PPIG: variants seen among roughly 807,000 people sequenced by gnomAD.
PPIG encodes peptidylprolyl isomerase G.
PPIG carries 26 observed loss-of-function variants against 87.9 expected under a neutral mutation model. The ratio of observed to expected loss-of-function variants is 0.30; its 90% CI spans 0.22 to 0.41. The LOEUF is 0.41. PPIG is among the 10% of genes least tolerant of loss of function. The pLI, the probability that PPIG is intolerant of heterozygous loss-of-function variation, is 1.00. For synonymous variants in PPIG, 308 were observed against 276.5 expected (o/e 1.11, Z -1.13); for missense variants, 722 against 879.4 (o/e 0.82, Z 2.26).
chr2:169,613,562 C>T (rs1044317120), intron 7 of PPIG, among the ~76,000 whole-genome samples: 3 of 152,052 alleles, frequency 2.0e-5, no homozygotes, highest in East Asian at 1.9e-4. Context: ...AAAATAATTT[C>T]GTTTGCCAAA....
rs186702053 is a variant in PPIG at position 169,613,911 on chromosome 2, A to G, written c.378-553A>G. 5.9e-5 allele frequency among the ~76,000 whole-genome samples: 9 copies of G among 152,348 alleles called. No individual in the cohort carries two copies. In the East Asian group the frequency reaches 1.7e-3, roughly 29 times the overall value. ...AGTGCACTGCAGCCTGGACAACAGC[A>G]TGAGACCCTGTCTCCAAATCAAAAA... On this transcript the variant is annotated intron_variant, in intron 7 of 13. Transcript: ENST00000260970.
intron 9 of PPIG, among the ~76,000 whole-genome samples, chr2:169,624,368 C>G (rs12621572): frequency 6.6e-6 from 1 of 152,182 alleles, no homozygotes; most frequent in East Asian, 1.9e-4. Flanking sequence ...GGAAATCATT[C>G]TACTTAATAA....
At chr2:169,599,465 T>A (rs967229245) in intron 1 of PPIG, among the ~76,000 whole-genome samples, 14 of 151,514 alleles carry the variant, frequency 9.2e-5, no homozygotes, top group Non-Finnish European at 1.3e-4. Flanking sequence ...TACTGTTATT[T>A]AAAAAAAAAC....
chr2:169,634,872 G>A (rs1309951366), intron 12 of PPIG, among the ~76,000 whole-genome samples: 1 of 151,996 alleles, frequency 6.6e-6, no homozygotes, highest in African/African-American at 2.4e-5. Context: ...CCTCTTTCAT[G>A]TTAAAAATTA....
In PPIG at chr2:169,631,933, G is replaced by T. The variant is rs1353163728; in HGVS notation, c.929G>T (p.Cys310Phe). The change falls in exon 11 of 14, where the codon TGT (cysteine) becomes TTT (phenylalanine). Residue 310 changes from cysteine to phenylalanine, a missense_variant and splice_region_variant. Coordinates refer to ENST00000260970, the MANE Select transcript of PPIG (RefSeq NM_004792.3). The part of the protein sequence containing the change: ...KNRERERERE[C>F]NPPNSQPASY... The stretch of plus-strand genomic sequence containing the variant: ...AGAGAGAGAGAAAGGGAAAGAGAGT[G>T]GTATGTGAATATGTATATTTTGCCT... 6.3e-7 allele frequency: 1 copy of T among 1,591,288 alleles called. No homozygotes were observed. Among genetic ancestry groups the T allele is most frequent in the Non-Finnish European group, 8.6e-7 (1 of 1,163,862 alleles).
chr2:169,585,113 A>AG (rs1684661723), intron 1 of PPIG, among the ~76,000 whole-genome samples: 1 of 152,112 alleles, frequency 6.6e-6, no homozygotes, highest in African/African-American at 2.4e-5. Context: ...ACTCAAGTCC[A>AG]GGGTCTTGAG....
At position 169,584,377 on chromosome 2, in the gene PPIG, T is replaced by C. The variant is rs1425309061; in HGVS notation, c.-183T>C. The C allele has an allele frequency of 2.1e-6, 1 of 470,980 alleles. No homozygotes were observed. Among genetic ancestry groups the C allele is most frequent in the Non-Finnish European group, 4.4e-6 (1 of 227,050 alleles). The allele number at this position is 470,980 out of a possible 1,614,324, so 29.2% of individuals were successfully genotyped here. A position where few individuals can be genotyped will look rare whatever the true frequency, so the allele number is the denominator to read the frequency against. Reference sequence around the variant, plus strand: ...CGACGCTGTCTCTCCATGCCAGGACTGAGTTGTGGGGGAGGGAGGCGGTTA... The same window carrying C: ...CGACGCTGTCTCTCCATGCCAGGACCGAGTTGTGGGGGAGGGAGGCGGTTA... On this transcript the variant is annotated 5_prime_UTR_variant, in exon 1 of 14. Transcript: ENST00000260970.
At chr2:169,622,142 G>A (rs984335935) in intron 9 of PPIG, among the ~76,000 whole-genome samples, 1 of 151,962 alleles carries the variant, frequency 6.6e-6, no homozygotes, top group Non-Finnish European at 1.5e-5. Flanking sequence ...AGAGTTTTTG[G>A]CCAGGCTCTG....
Position 169,614,447 on chromosome 2 carries a change from C to G in PPIG, c.378-17C>G, listed in dbSNP as rs1176237224. ...TCTGACTTTGTTTTTATTCTTCTAT[C>G]TGATGATTTCCAAAAGAACAACGAA... On this transcript the variant is annotated splice_polypyrimidine_tract_variant and intron_variant, in intron 7 of 13. Transcript: ENST00000260970. The G allele has an allele frequency of 1.9e-6, 3 of 1,538,834 alleles. No homozygotes were observed. Among genetic ancestry groups the G allele is most frequent in the Non-Finnish European group, 2.7e-6 (3 of 1,127,928 alleles).
rs905528473 is a variant in PPIG, at chr2:169,619,073, G to C, written c.547+4349G>C. ...AGCTGTGTCCCAGAGATTCTGGTACGTTGTGTCTTTGTTCTCATTGGTTTC... is the reference window on the plus strand; with the variant it reads ...AGCTGTGTCCCAGAGATTCTGGTACCTTGTGTCTTTGTTCTCATTGGTTTC... On this transcript the variant is annotated intron_variant, in intron 9 of 13. Transcript: ENST00000260970. Among the ~76,000 whole-genome samples, 4 of 152,088 alleles carry C rather than the reference G, an allele frequency of 2.6e-5. No homozygotes were observed. In the East Asian group the frequency reaches 7.7e-4, roughly 29 times the overall value.
At chr2:169,598,393 C>T (rs1685080744) in intron 1 of PPIG, among the ~76,000 whole-genome samples, 1 of 151,730 alleles carries the variant, frequency 6.6e-6, no homozygotes, top group Admixed American at 6.6e-5. Flanking sequence ...CGGGTTCACA[C>T]CTTTCTCCTG....
intron 9 of PPIG, among the ~76,000 whole-genome samples, chr2:169,614,941 G>A (rs1028679568): frequency 3.3e-5 from 5 of 152,100 alleles, no homozygotes; most frequent in African/African-American, 1.2e-4. Flanking sequence ...TGTATATGTT[G>A]TGGAATGGCT....
At chr2:169,589,509 T>C (rs1684801414) in intron 1 of PPIG, among the ~76,000 whole-genome samples, 1 of 152,254 alleles carries the variant, frequency 6.6e-6, no homozygotes, top group Non-Finnish European at 1.5e-5. Flanking sequence ...AGATCTGCTA[T>C]AGTTTTAATT....
At chr2:169,597,855 CTTGT>C (rs56851989) in intron 1 of PPIG, among the ~76,000 whole-genome samples, 39,195 of 150,634 alleles carry the variant, frequency 0.26, 5,453 homozygotes, top group South Asian at 0.4. Flanking sequence ...CTGTACCTTG[CTTGT>C]TTGTTTGTTT....
intron 12 of PPIG, among the ~76,000 whole-genome samples, chr2:169,634,445 A>C (rs942022112): frequency 6.6e-6 from 1 of 152,080 alleles, no homozygotes; most frequent in African/African-American, 2.4e-5. Flanking sequence ...GAGCAATCTC[A>C]TGACTCCCAT....
At chr2:169,602,345 T>C (rs1201956696) in intron 1 of PPIG, among the ~76,000 whole-genome samples, 2 of 152,176 alleles carry the variant, frequency 1.3e-5, no homozygotes, top group African/African-American at 4.8e-5. Flanking sequence ...TGTTTGAGTC[T>C]CGCTCTGTCC....
intron 1 of PPIG, among the ~76,000 whole-genome samples, chr2:169,591,726 G>A (rs1343022646): frequency 1.3e-5 from 2 of 151,458 alleles, no homozygotes; most frequent in Non-Finnish European, 2.9e-5. Context: ...TCATCTGTTG[G>A]GAGCAGACTA....
At chr2:169,623,892 G>T (rs12612841) in intron 9 of PPIG, among the ~76,000 whole-genome samples, 4,141 of 152,232 alleles carry the variant, frequency 0.027, 77 homozygotes, top group East Asian at 0.1. Flanking sequence ...TGTAAAATCT[G>T]TGGGTCTCAA....
intron 1 of PPIG, among the ~76,000 whole-genome samples, chr2:169,600,142 T>A (rs1436086706): frequency 5.3e-5 from 8 of 151,934 alleles, no homozygotes; most frequent in Admixed American, 5.2e-4. Flanking sequence ...TGGCTTGATC[T>A]TGGCTCACTG....
Sources: allele counts gnomAD v4.1 joint callset (sites outside exome capture counted in the v4.1 genomes callset), GRCh38; gene constraint gnomAD v4.1.1; transcripts MANE v1.5; gene names NCBI Gene and HGNC (gene_info 2026-07-23, HGNC 2026-07-21).